GNAQ: variants seen among roughly 807,000 people sequenced by gnomAD.
GNAQ encodes the protein G protein subunit alpha q.
GNAQ carries 8 observed loss-of-function variants against 43.9 expected under a neutral mutation model. The ratio of observed to expected loss-of-function variants is 0.18; its 90% CI spans 0.11 to 0.33. GNAQ has a LOEUF of 0.33. GNAQ is among the 10% of genes least tolerant of loss of function. The pLI is 1.00. For synonymous variants in GNAQ, 155 were observed against 170.7 expected (o/e 0.91, Z 0.71); for missense variants, 158 against 450.8 (o/e 0.35, Z 5.88).
At chr9:77,899,497 G>A (rs1274625793) in intron 2 of GNAQ, among the ~76,000 whole-genome samples, 1 of 150,040 alleles carries the variant, frequency 6.7e-6, no homozygotes, top group Non-Finnish European at 1.5e-5. Context: ...AGAGTGAGTG[G>A]ATACTATCCC....
intron 2 of GNAQ, among the ~76,000 whole-genome samples, chr9:77,846,937 CTT>C (rs1827595686): frequency 6.6e-6 from 1 of 152,170 alleles, no homozygotes; most frequent in South Asian, 2.1e-4. Flanking sequence ...CAGGACTAGA[CTT>C]TTGCCCCTGG....
At chr9:78,009,215 T>C (rs1429818737) in intron 1 of GNAQ, among the ~76,000 whole-genome samples, 1 of 152,178 alleles carries the variant, frequency 6.6e-6, no homozygotes, top group Non-Finnish European at 1.5e-5. Flanking sequence ...TAATGGCTAT[T>C]ATCAACTGGT....
At position 77,873,007 on chromosome 9, in the gene GNAQ, G is replaced by C. The variant is rs561996987; in HGVS notation, c.321+49154C>G. Reference sequence around the variant, plus strand: ...TGAGAATGTTCCCACAAAGACACTAGAGGGAAGGATTAGCAAGCGAATTTG... The same window carrying C: ...TGAGAATGTTCCCACAAAGACACTACAGGGAAGGATTAGCAAGCGAATTTG... On this transcript the variant is annotated intron_variant, in intron 2 of 6. Transcript: ENST00000286548. Among the ~76,000 whole-genome samples, 9 of 152,314 alleles carry C rather than the reference G, an allele frequency of 5.9e-5. No individual in the cohort carries two copies. In the South Asian group the frequency reaches 1.4e-3, roughly 25 times the overall value.
chr9:77,726,512 T>C (rs771607818), intron 6 of GNAQ, among the ~76,000 whole-genome samples: 23 of 152,208 alleles, frequency 1.5e-4, no homozygotes, highest in African/African-American at 4.1e-4. Flanking sequence ...TAAACCTCCA[T>C]CCCTGATGTG....
intron 1 of GNAQ, among the ~76,000 whole-genome samples, chr9:78,025,564 T>C (rs1823967381): frequency 6.6e-6 from 1 of 152,166 alleles, no homozygotes; most frequent in South Asian, 2.1e-4. Flanking sequence ...CTGCCTCCCG[T>C]TCCAACCAGG....
intron 2 of GNAQ, among the ~76,000 whole-genome samples, chr9:77,914,891 T>C (rs936590856): frequency 2.0e-5 from 3 of 150,924 alleles, no homozygotes; most frequent in Admixed American, 2.0e-4. Flanking sequence ...GGGATTTAGA[T>C]ACAAAGAAAA....
chr9:77,842,396 T>C (rs1827507143), intron 2 of GNAQ, among the ~76,000 whole-genome samples: 2 of 152,168 alleles, frequency 1.3e-5, no homozygotes, highest in Admixed American at 6.5e-5. Context: ...CAAACAACAT[T>C]CCTTGGCTGA....
At chr9:77,983,507 C>T (rs141732702) in intron 1 of GNAQ, among the ~76,000 whole-genome samples, 5 of 152,326 alleles carry the variant, frequency 3.3e-5, no homozygotes, top group African/African-American at 1.2e-4. Context: ...CCTTGAGCCT[C>T]TTCGAAGAGC....
At chr9:77,862,413 C>A (rs544839255) in intron 2 of GNAQ, among the ~76,000 whole-genome samples, 51 of 152,322 alleles carry the variant, frequency 3.3e-4, no homozygotes, top group African/African-American at 9.6e-4. Flanking sequence ...AACCTCAATT[C>A]TTGACTTCTG....
rs908658273 is a variant in GNAQ at position 77,940,417 on chromosome 9, C to A, written c.137-18072G>T. ...GCAACACGGCAAAGCCCCATCTCTACAAAGAAATACAAAAATTAGCTGGGC... is the reference window on the plus strand; with the variant it reads ...GCAACACGGCAAAGCCCCATCTCTAAAAAGAAATACAAAAATTAGCTGGGC... On this transcript the variant is annotated intron_variant, in intron 1 of 6. Transcript: ENST00000286548. 2.6e-5 allele frequency among the ~76,000 whole-genome samples: 4 copies of A among 151,922 alleles called. No homozygotes were observed. The South Asian group carries it at 8.3e-4, about 32-fold the overall frequency.
At chr9:77,794,758 C>T (rs1218224514) in intron 4 of GNAQ, among the ~76,000 whole-genome samples, 166 bp from the exon 5 acceptor site, 1 of 152,038 alleles carries the variant, frequency 6.6e-6, no homozygotes, top group Non-Finnish European at 1.5e-5. Flanking sequence ...TTTCTTATTA[C>T]CTAATATTCA....
chr9:77,995,959 C>T (rs1007370457), intron 1 of GNAQ, among the ~76,000 whole-genome samples: 2 of 152,152 alleles, frequency 1.3e-5, no homozygotes, highest in African/African-American at 4.8e-5. Context: ...AAGTCTTTGC[C>T]ATACATTCTA....
intron 2 of GNAQ, among the ~76,000 whole-genome samples, chr9:77,831,442 A>G (rs1827296193): frequency 1.3e-5 from 2 of 152,202 alleles, no homozygotes; most frequent in East Asian, 1.9e-4. Flanking sequence ...ACCATCATTC[A>G]TATCATTGAT....
chr9:77,929,472 GAT>G (rs1829116222), intron 1 of GNAQ, among the ~76,000 whole-genome samples: 1 of 152,086 alleles, frequency 6.6e-6, no homozygotes, highest in Non-Finnish European at 1.5e-5. Context: ...TGAACATTTT[GAT>G]ATATTTCTTT....
At chr9:77,810,258 CTATCTAT>C (rs1826899853) in intron 3 of GNAQ, among the ~76,000 whole-genome samples, 1 of 151,808 alleles carries the variant, frequency 6.6e-6, no homozygotes. Context: ...ATCTATCTAT[CTATCTAT>C]CTGTCATGCA....
intron 1 of GNAQ, among the ~76,000 whole-genome samples, chr9:78,011,054 C>T (rs1222890274): frequency 1.3e-5 from 2 of 152,110 alleles, no homozygotes; most frequent in Admixed American, 1.3e-4. Flanking sequence ...GAGAAAAAGA[C>T]CCTATAGATG....
chr9:77,823,646 G>C (rs997048673), intron 2 of GNAQ, among the ~76,000 whole-genome samples: 10 of 152,176 alleles, frequency 6.6e-5, no homozygotes, highest in African/African-American at 2.4e-4. Context: ...TGAAGGGGAA[G>C]CAAGCACGTC....
chr9:77,994,281 C>G (rs962977946), intron 1 of GNAQ, among the ~76,000 whole-genome samples: 1 of 152,202 alleles, frequency 6.6e-6, no homozygotes, highest in Admixed American at 6.5e-5. Context: ...CTCAAGTGAT[C>G]CTTCCACCTT....
At chr9:77,806,598 G>A (rs932082398) in intron 3 of GNAQ, among the ~76,000 whole-genome samples, 3 of 152,208 alleles carry the variant, frequency 2.0e-5, no homozygotes, top group Non-Finnish European at 2.9e-5. Flanking sequence ...GTAGTCACTG[G>A]AGAATAGTGT....
Sources: allele counts gnomAD v4.1 joint callset (sites outside exome capture counted in the v4.1 genomes callset), GRCh38; gene constraint gnomAD v4.1.1; transcripts MANE v1.5; gene names NCBI Gene and HGNC (gene_info 2026-07-23, HGNC 2026-07-21).